SLC37A3: variants seen among roughly 807,000 people sequenced by gnomAD.
The protein encoded by SLC37A3 is sugar phosphate exchanger 3.
SLC37A3 carries 51 observed loss-of-function variants against 67.1 expected under a neutral mutation model. That is an observed-to-expected ratio of 0.76 (90% CI 0.61 to 0.96). The LOEUF (loss-of-function observed/expected upper bound fraction) is 0.96, where lower values mean the gene tolerates loss of function less well. Ranked by LOEUF, SLC37A3 falls within the 40% of genes least tolerant of loss-of-function variation. The pLI is 0.00. For synonymous variants in SLC37A3, 214 were observed against 231.4 expected (o/e 0.92, Z 0.68); for missense variants, 508 against 603.0 (o/e 0.84, Z 1.65).
Position 140,351,337 on chromosome 7 carries a change from C to T in SLC37A3, c.818G>A (p.Ser273Asn), listed in dbSNP as rs1460439754. The change falls in exon 9 of 15, where the codon AGT (serine) becomes AAT (asparagine). Residue 273 changes from serine (S) to asparagine (N), a missense_variant. Coordinates refer to ENST00000326232, the MANE Select transcript of SLC37A3 (RefSeq NM_207113.3). ...YEPNYSIQDD[S>N]SVAQVKAISF... Reference sequence around the variant, plus strand: ...TATCGCCTTGACTTGGGCAACAGAACTATCATCTTGGATTGAATAATTCGG... The same window carrying T: ...TATCGCCTTGACTTGGGCAACAGAATTATCATCTTGGATTGAATAATTCGG... 1 of 1,614,150 alleles carries T rather than the reference C, an allele frequency of 6.2e-7. No individual in the cohort carries two copies.
intron 7 of SLC37A3, among the ~76,000 whole-genome samples, chr7:140,353,195 C>G (rs1796882537): frequency 6.6e-6 from 1 of 151,916 alleles, no homozygotes; most frequent in Non-Finnish European, 1.5e-5. Flanking sequence ...ATAAGAGGTA[C>G]AGTCAAGCTG....
intron 5 of SLC37A3, among the ~76,000 whole-genome samples, chr7:140,362,351 C>T (rs1376734810): frequency 7.0e-6 from 1 of 143,634 alleles, no homozygotes; most frequent in Admixed American, 6.8e-5. Flanking sequence ...CCCCTCCGTC[C>T]GGCAGCCACC....
intron 3 of SLC37A3, among the ~76,000 whole-genome samples, chr7:140,378,067 C>A (rs555824296): frequency 2.1e-4 from 32 of 152,196 alleles, no homozygotes; most frequent in African/African-American, 7.7e-4. Context: ...GTCTTGGGAA[C>A]CCCCAACCCA....
intron 9 of SLC37A3, among the ~76,000 whole-genome samples, chr7:140,350,827 C>T (rs1796762885): frequency 2.0e-5 from 3 of 152,106 alleles, no homozygotes; most frequent in South Asian, 2.1e-4. Flanking sequence ...CCATTCACAA[C>T]CCTTCTTCTT....
chr7:140,357,519 A>C (rs565520560), intron 6 of SLC37A3, among the ~76,000 whole-genome samples: 1 of 151,534 alleles, frequency 6.6e-6, no homozygotes, highest in South Asian at 2.1e-4. Flanking sequence ...GCTTGAGGCC[A>C]TGAAATTGAG....
intron 3 of SLC37A3, among the ~76,000 whole-genome samples, chr7:140,373,677 CTTT>C (rs59193678): frequency 0.16 from 22,153 of 136,136 alleles, 1,988 homozygotes; most frequent in African/African-American, 0.29. Flanking sequence ...CTTTTTTTTT[CTTT>C]TTTTTTTTTT....
chr7:140,383,461 A>AC (rs1293116411), intron 1 of SLC37A3, among the ~76,000 whole-genome samples: 37 of 152,158 alleles, frequency 2.4e-4, no homozygotes, highest in African/African-American at 8.4e-4. Context: ...ACAAAGTGAG[A>AC]CCCCTGACTC....
intron 1 of SLC37A3, among the ~76,000 whole-genome samples, chr7:140,394,095 C>T (rs776918476): frequency 3.3e-5 from 5 of 152,016 alleles, no homozygotes; most frequent in East Asian, 1.9e-4. Context: ...CGCTTGAACC[C>T]GGTAGGTGGA....
chr7:140,343,619 C>T (rs1224826097), intron 12 of SLC37A3, 56 bp from the exon 13 acceptor site: 14 of 1,548,048 alleles, frequency 9.0e-6, no homozygotes, highest in Non-Finnish European at 1.1e-5. Flanking sequence ...TAGCAATCTA[C>T]TGCATAAGGC....
At chr7:140,361,882 C>T (rs1281502112) in intron 5 of SLC37A3, among the ~76,000 whole-genome samples, 89 of 144,048 alleles carry the variant, frequency 6.2e-4, no homozygotes, top group African/African-American at 2.2e-3. Context: ...AGTGCAGTGG[C>T]GTGATCTCGG....
At chr7:140,351,013 T>A (rs952324444) in intron 9 of SLC37A3, among the ~76,000 whole-genome samples, 1 of 152,196 alleles carries the variant, frequency 6.6e-6, no homozygotes, top group African/African-American at 2.4e-5. Context: ...TCTACAAAGC[T>A]GAGTAGTTGG....
At chr7:140,392,865 G>A (rs113919262) in intron 1 of SLC37A3, among the ~76,000 whole-genome samples, 28,754 of 152,058 alleles carry the variant, frequency 0.19, 3,637 homozygotes, top group African/African-American at 0.32. Context: ...GCTGAGGTGG[G>A]CGGATCACCT....
At chr7:140,390,876 A>T (rs192835512) in intron 1 of SLC37A3, among the ~76,000 whole-genome samples, 1 of 151,690 alleles carries the variant, frequency 6.6e-6, no homozygotes, top group South Asian at 2.1e-4. Flanking sequence ...TCCCTCATCC[A>T]TCCCCCTCCT....
chr7:140,392,965 G>A (rs1162213972), intron 1 of SLC37A3, among the ~76,000 whole-genome samples: 10 of 152,104 alleles, frequency 6.6e-5, no homozygotes, highest in East Asian at 1.9e-4. Context: ...AGTGGCATGC[G>A]CCTGTAATCC....
intron 5 of SLC37A3, among the ~76,000 whole-genome samples, chr7:140,361,844 A>C: frequency 7.1e-6 from 1 of 140,734 alleles, no homozygotes; most frequent in Non-Finnish European, 1.6e-5. Context: ...AGTCTCGTTC[A>C]CTCAGTGCTC....
chr7:140,377,861 G>C (rs974747961), intron 3 of SLC37A3, among the ~76,000 whole-genome samples: 9 of 151,948 alleles, frequency 5.9e-5, no homozygotes, highest in Non-Finnish European at 1.3e-4. Context: ...CAAGAGCCCC[G>C]TCTCTTAAAA....
At chr7:140,384,064 A>C (rs1463604817) in intron 1 of SLC37A3, among the ~76,000 whole-genome samples, 1 of 152,206 alleles carries the variant, frequency 6.6e-6, no homozygotes, top group Non-Finnish European at 1.5e-5. Flanking sequence ...GTAAGCAGCT[A>C]AACTTAATGT....
chr7:140,339,264 GTT>G (rs748009768), intron 13 of SLC37A3, among the ~76,000 whole-genome samples: 8 of 130,728 alleles, frequency 6.1e-5, no homozygotes, highest in Admixed American at 1.6e-4. Context: ...TCCCAGTTTT[GTT>G]TTTTTTTTTT....
intron 3 of SLC37A3, among the ~76,000 whole-genome samples, chr7:140,376,213 C>T (rs370374806): frequency 1.8e-4 from 27 of 152,064 alleles, no homozygotes; most frequent in Admixed American, 1.0e-3. Flanking sequence ...GAAAACAAAA[C>T]GAAACCAAAA....
Sources: allele counts gnomAD v4.1 joint callset (sites outside exome capture counted in the v4.1 genomes callset), GRCh38; gene constraint gnomAD v4.1.1; transcripts MANE v1.5; gene names NCBI Gene and HGNC (gene_info 2026-07-23, HGNC 2026-07-21).